MTRFR: variants seen among roughly 807,000 people sequenced by gnomAD.
MTRFR encodes mitochondrial translation release factor in rescue.
Under a neutral mutation model 11.9 loss-of-function variants are expected in MTRFR, and 10 were observed. The ratio of observed to expected loss-of-function variants is 0.84; its 90% CI spans 0.52 to 1.42. The LOEUF (loss-of-function observed/expected upper bound fraction) is 1.42, where lower values mean the gene tolerates loss of function less well. Ranked by LOEUF, MTRFR falls within the 40% of genes most tolerant of loss-of-function variation. The pLI is 0.00. For missense variants in MTRFR, 196 were observed against 197.9 expected (o/e 0.99, Z 0.06); for synonymous variants, 77 against 79.1 (o/e 0.97, Z 0.14).
chr12:123,257,027 A>T lies in MTRFR; in HGVS notation c.497A>T (p.His166Leu). Reference protein sequence around the residue: ...KELWESSKKVH With the variant: ...KELWESSKKVL The stretch of plus-strand genomic sequence containing the variant: ...CTGTGGGAGTCAAGTAAAAAGGTCC[A>T]CTGAGAAAAGAATTAGAGATTCCAA... The change falls in exon 3 of 3, where the codon CAC becomes CTC. Residue 166 changes from histidine to leucine, a missense_variant. By Grantham distance (99) the His-to-Leu change is moderately conservative. Coordinates refer to ENST00000253233, the MANE Select transcript of MTRFR (RefSeq NM_152269.5). The T allele has an allele frequency of 6.8e-6, 11 of 1,610,616 alleles. No individual in the cohort carries two copies. Among genetic ancestry groups the T allele is most frequent in the Non-Finnish European group, 9.3e-6 (11 of 1,178,098 alleles).
At chr12:123,235,627 C>T (rs948930434) in intron 1 of MTRFR, among the ~76,000 whole-genome samples, 10 of 151,544 alleles carry the variant, frequency 6.6e-5, no homozygotes, top group Non-Finnish European at 1.3e-4. Context: ...CTGCCTCGGC[C>T]TCCCACGGTG....
At chr12:123,233,306 A>T (rs1459628249), upstream of MTRFR, 4 of 152,268 alleles carry the variant, frequency 2.6e-5, no homozygotes, top group African/African-American at 9.6e-5. Context: ...ATTGCTGTGA[A>T]ACTCTCTTCT....
intron 1 of MTRFR, chr12:123,243,884 C>G (rs910355815): frequency 6.6e-6 from 1 of 152,172 alleles, no homozygotes; most frequent in Non-Finnish European, 1.5e-5. Flanking sequence ...ATGTCTCCAT[C>G]CTGCTTCCTC....
intron 1 of MTRFR, among the ~76,000 whole-genome samples, chr12:123,237,194 C>A (rs914402489): frequency 6.6e-6 from 1 of 152,126 alleles, no homozygotes; most frequent in Admixed American, 6.5e-5. Flanking sequence ...CTGTGGCTCA[C>A]GCCTGTAATC....
At chr12:123,254,095 T>G in intron 2 of MTRFR, 139 bp downstream of exon 2, 1 of 977,454 alleles carries the variant, frequency 1.0e-6, no homozygotes, top group Non-Finnish European at 1.5e-6. Context: ...AGCCAGGCAG[T>G]AGAGAGCACC....
intron 1 of MTRFR, chr12:123,250,466 G>A (rs2048099185): frequency 6.6e-6 from 1 of 152,132 alleles, no homozygotes; most frequent in African/African-American, 2.4e-5. Context: ...CATATTACCA[G>A]GGTTTGTTCA....
chr12:123,256,264 T>C (rs1006104134), intron 2 of MTRFR, among the ~76,000 whole-genome samples: 9 of 152,362 alleles, frequency 5.9e-5, no homozygotes, highest in African/African-American at 2.2e-4. Flanking sequence ...GATACTTTCA[T>C]AATTATTTTG....
chr12:123,240,021 G>A (rs1319455356), intron 1 of MTRFR, among the ~76,000 whole-genome samples: 3 of 152,044 alleles, frequency 2.0e-5, no homozygotes, highest in African/African-American at 4.8e-5. Context: ...TTGCCATGGG[G>A]TGTGGGGCCT....
At chr12:123,246,816 C>T (rs534953286) in intron 1 of MTRFR, among the ~76,000 whole-genome samples, 3 of 142,514 alleles carry the variant, frequency 2.1e-5, no homozygotes, top group South Asian at 2.3e-4. Context: ...CTGCAAGCTC[C>T]ACCTCCCGGG....
chr12:123,251,263 C>G (rs1031125559), intron 1 of MTRFR: 5 of 152,290 alleles, frequency 3.3e-5, no homozygotes, highest in Non-Finnish European at 4.4e-5. Context: ...AGGCTGTGCC[C>G]CTCCCAGCAG....
At chr12:123,253,107 T>G (rs10846488) in intron 1 of MTRFR, among the ~76,000 whole-genome samples, 12,229 of 62,884 alleles carry the variant, frequency 0.19, 1,833 homozygotes, top group South Asian at 0.32. Flanking sequence ...TTTTTTTTTT[T>G]GAGACACTGT....
intron 1 of MTRFR, among the ~76,000 whole-genome samples, chr12:123,237,231 C>T (rs927253058): frequency 3.9e-5 from 6 of 152,044 alleles, no homozygotes; most frequent in East Asian, 3.8e-4. Flanking sequence ...CCAAGGCAGG[C>T]GCATCACCTG....
At chr12:123,245,101 A>T (rs1352945638) in intron 1 of MTRFR, among the ~76,000 whole-genome samples, 4 of 150,094 alleles carry the variant, frequency 2.7e-5, no homozygotes, top group African/African-American at 9.8e-5. Context: ...TGCGCCCACC[A>T]CTGCGCCCGG....
intron 1 of MTRFR, among the ~76,000 whole-genome samples, chr12:123,247,017 C>G (rs1189653112): frequency 6.6e-6 from 1 of 151,976 alleles, no homozygotes; most frequent in African/African-American, 2.4e-5. Flanking sequence ...GCGTGAGCCA[C>G]CGCTCACGCC....
At chr12:123,247,696 A>G (rs973685551) in intron 1 of MTRFR, among the ~76,000 whole-genome samples, 3 of 152,204 alleles carry the variant, frequency 2.0e-5, no homozygotes, top group Admixed American at 6.5e-5. Context: ...CTGTAATCCC[A>G]GCACTTTGGG....
chr12:123,233,514 G>A lies in MTRFR; in HGVS notation c.-46G>A, dbSNP rs575880594. 2.6e-5 allele frequency: 4 copies of A among 152,398 alleles called. No individual in the cohort carries two copies. The South Asian group carries it at 8.3e-4, about 32-fold the overall frequency. The allele number at this position is 152,398 out of a possible 1,614,324, so 9.4% of individuals were successfully genotyped here. ...TATCCCTAGAACGTTGAGGGCACGA[G>A]TCGGGTCCTGAGACCAGGTAAGCAT... On this transcript the variant is annotated 5_prime_UTR_variant, in exon 1 of 3. Transcript: ENST00000253233.
At chr12:123,233,224 C>T (rs929490779), upstream of MTRFR, 1 of 152,316 alleles carries the variant, frequency 6.6e-6, no homozygotes, top group South Asian at 2.1e-4. Flanking sequence ...GCGCGTCCAC[C>T]TCGCCGTTCC....
chr12:123,244,963 A>G (rs1290754548), intron 1 of MTRFR, among the ~76,000 whole-genome samples: 1 of 46,468 alleles, frequency 2.2e-5, no homozygotes. Context: ...TTTTTTTTAG[A>G]CAGAGTCTTA....
chr12:123,243,396 G>A (rs1409185408), intron 1 of MTRFR, among the ~76,000 whole-genome samples: 1 of 152,184 alleles, frequency 6.6e-6, no homozygotes, highest in Non-Finnish European at 1.5e-5. Context: ...CGGACGTGGT[G>A]GCAGATGCCT....
Sources: gnomAD v4.1 joint callset for allele counts (sites outside exome capture counted in the v4.1 genomes callset) on GRCh38, gnomAD v4.1.1 for gene constraint, MANE v1.5 for transcripts, NCBI Gene and HGNC (gene_info 2026-07-23, HGNC 2026-07-21) for gene names.